EPN2: variants seen among roughly 807,000 people sequenced by gnomAD.
The protein encoded by EPN2 is epsin 2.
A neutral mutation model predicts 61.7 loss-of-function variants in EPN2; 34 were observed. The ratio of observed to expected loss-of-function variants is 0.55; its 90% CI spans 0.42 to 0.73. The LOEUF (loss-of-function observed/expected upper bound fraction) is 0.73. Ranked by LOEUF, EPN2 falls within the 30% of genes least tolerant of loss-of-function variation. The probability of loss-of-function intolerance (pLI) is 0.00; values close to 1 mark genes in which losing one functional copy is unlikely to be tolerated. For missense variants in EPN2, 714 were observed against 839.2 expected (o/e 0.85, Z 1.84); for synonymous variants, 349 against 353.6 (o/e 0.99, Z 0.15).
In EPN2 at chr17:19,285,850, G is replaced by A; in HGVS notation, c.766+60G>A. On this transcript the variant is annotated intron_variant, in intron 4 of 10. Transcript: ENST00000314728. This position sits in a 1 kb window ranked among gnomAD's most constrained non-coding sequence, Gnocchi z 4.5. ...ATGCTGGGCAGCTTGCTGGGGGTGT[G>A]CTTGCCATGCCAGTACAGCCAACTC... 2 of 1,472,722 alleles carry A rather than the reference G, an allele frequency of 1.4e-6. No homozygotes were observed. The highest frequency in any genetic ancestry group is 2.6e-5 in the East Asian group (1 of 38,628). The allele number at this position is 1,472,722 out of a possible 1,614,324, so 91.2% of individuals were successfully genotyped here.
At chr17:19,241,459 A>C (rs2044883762) in intron 1 of EPN2, among the ~76,000 whole-genome samples, 1 of 151,762 alleles carries the variant, frequency 6.6e-6, no homozygotes, top group South Asian at 2.1e-4. Flanking sequence ...GGTGGTGCAC[A>C]CCTGTAGTCC....
chr17:19,273,470 A>G (rs2045275992), intron 1 of EPN2, among the ~76,000 whole-genome samples: 1 of 152,172 alleles, frequency 6.6e-6, no homozygotes, highest in Non-Finnish European at 1.5e-5. Context: ...TTCTTTAAGT[A>G]TATGAGTATA....
At chr17:19,299,043 A>G (rs1426199647) in intron 4 of EPN2, among the ~76,000 whole-genome samples, 1 of 152,224 alleles carries the variant, frequency 6.6e-6, no homozygotes, top group Non-Finnish European at 1.5e-5. Flanking sequence ...TTCTTGAAGC[A>G]TGACAAATGT....
intron 4 of EPN2, chr17:19,307,873 T>C (rs1017602120): frequency 2.0e-6 from 2 of 983,306 alleles, no homozygotes; most frequent in African/African-American, 1.7e-5. Context: ...TTATTCACCA[T>C]AGCCATGGCC....
At chr17:19,245,069 G>A (rs1278362134) in intron 1 of EPN2, among the ~76,000 whole-genome samples, 1 of 152,138 alleles carries the variant, frequency 6.6e-6, no homozygotes, top group Non-Finnish European at 1.5e-5. Flanking sequence ...GTGGCTGGCT[G>A]GACCTGAATT....
chr17:19,273,647 A>G (rs907868538), intron 1 of EPN2, among the ~76,000 whole-genome samples: 1 of 152,200 alleles, frequency 6.6e-6, no homozygotes, highest in Non-Finnish European at 1.5e-5. Flanking sequence ...ACAAGTGTGT[A>G]GCACCCTGCC....
chr17:19,252,204 G>C (rs930373083), intron 1 of EPN2, among the ~76,000 whole-genome samples: 1 of 152,154 alleles, frequency 6.6e-6, no homozygotes, highest in Non-Finnish European at 1.5e-5. Flanking sequence ...CTGGGGCTCT[G>C]ATTGTTTTCT....
chr17:19,241,299 A>G (rs2044881868), intron 1 of EPN2, among the ~76,000 whole-genome samples: 1 of 151,914 alleles, frequency 6.6e-6, no homozygotes, highest in Non-Finnish European at 1.5e-5. Context: ...AAAATTGACA[A>G]ACTTGCCGGG....
chr17:19,332,962 G>T (rs1182377933), intron 10 of EPN2, among the ~76,000 whole-genome samples: 1 of 152,246 alleles, frequency 6.6e-6, no homozygotes, highest in East Asian at 1.9e-4. Context: ...TTGCAGAGGA[G>T]AATTACCACT....
intron 7 of EPN2, chr17:19,313,710 T>C (rs1906253452): frequency 5.8e-6 from 1 of 172,158 alleles, no homozygotes; most frequent in African/African-American, 2.4e-5. Context: ...GAAAAGGGGA[T>C]ACATTTGCTA....
At chr17:19,299,666 A>G (rs1423671681) in intron 4 of EPN2, among the ~76,000 whole-genome samples, 1 of 152,238 alleles carries the variant, frequency 6.6e-6, no homozygotes, top group Non-Finnish European at 1.5e-5. Context: ...CCCGAAGAGA[A>G]TGGCACAACT....
intron 1 of EPN2, among the ~76,000 whole-genome samples, chr17:19,269,954 G>T (rs952982985): frequency 4.6e-5 from 7 of 152,200 alleles, no homozygotes; most frequent in African/African-American, 1.7e-4. Context: ...AAAGTTTCTT[G>T]TTCTTACGAT....
intron 4 of EPN2, among the ~76,000 whole-genome samples, chr17:19,289,186 G>A (rs1411171334): frequency 7.0e-6 from 1 of 142,144 alleles, no homozygotes; most frequent in Non-Finnish European, 1.5e-5. Context: ...CCGGGTTCAC[G>A]CCATTCTCCT....
At chr17:19,332,099 C>A in intron 10 of EPN2, 31 bp downstream of exon 10, 1 of 1,538,108 alleles carries the variant, frequency 6.5e-7, no homozygotes, top group Non-Finnish European at 8.9e-7. Context: ...TCATCCATTG[C>A]CTGCTGTGCC....
At chr17:19,266,165 C>T (rs529631097) in intron 1 of EPN2, among the ~76,000 whole-genome samples, 23 of 152,128 alleles carry the variant, frequency 1.5e-4, no homozygotes, top group Non-Finnish European at 3.1e-4. Context: ...AAAAATCAAC[C>T]TTAGTAGCTT....
chr17:19,238,864 G>GA (rs2044848467), intron 1 of EPN2, among the ~76,000 whole-genome samples: 1 of 152,144 alleles, frequency 6.6e-6, no homozygotes, highest in Non-Finnish European at 1.5e-5. Context: ...AAAATGATGG[G>GA]AAAAGGTGAA....
chr17:19,328,608 G>C, intron 7 of EPN2, 103 bp from the exon 8 acceptor site: 1 of 1,125,786 alleles, frequency 8.9e-7, no homozygotes, highest in Non-Finnish European at 1.3e-6. Flanking sequence ...ACCTGGCACA[G>C]GGCATAGACC....
intron 1 of EPN2, chr17:19,274,184 G>A (rs2152213474): frequency 6.5e-6 from 1 of 152,708 alleles, no homozygotes; most frequent in South Asian, 2.1e-4. Flanking sequence ...AGCATGCCTA[G>A]AAATCACCAT....
In EPN2 at chr17:19,313,411, GC is replaced by G. The variant is rs1398630684; in HGVS notation, c.1147+133del. 4.0e-6 allele frequency: 3 copies of G among 748,202 alleles called. No homozygotes were observed. In the African/African-American group the frequency reaches 5.6e-5, roughly 14 times the overall value. The allele number at this position is 748,202 out of a possible 1,614,324, so 46.3% of individuals were successfully genotyped here. ...GGTGTCCAGGCTCCTCCAGCCCTCA[GC>G]AGTGATATCCAACTGGCCCTTGCCC... On this transcript the variant is annotated intron_variant, in intron 7 of 10. Transcript: ENST00000314728.
Sources: gnomAD v4.1 joint callset for allele counts (sites outside exome capture counted in the v4.1 genomes callset) on GRCh38, gnomAD v4.1.1 for gene constraint, Gnocchi (gnomAD v3.1) non-coding constraint, MANE v1.5 for transcripts, NCBI Gene and HGNC (gene_info 2026-07-23, HGNC 2026-07-21) for gene names.